The following CFAP45 variants were observed in gnomAD, a reference collection of about 807,000 sequenced individuals.
The protein encoded by CFAP45 is cilia and flagella associated protein 45, also known as cilia- and flagella-associated protein 45.
In CFAP45, 43 loss-of-function variants were observed where a neutral mutation model predicts 75.6. The observed-to-expected ratio is 0.57, with a 90% CI of 0.45 to 0.73. CFAP45 has a LOEUF of 0.73. Ranked by LOEUF, CFAP45 falls within the 30% of genes least tolerant of loss-of-function variation. CFAP45 has a pLI of 0.00. For missense variants in CFAP45, 689 were observed against 701.5 expected, an observed-to-expected ratio of 0.98 and a Z score of 0.20; for synonymous variants, 223 against 244.6, an observed-to-expected ratio of 0.91 and a Z score of 0.82.
chr1:159,899,906 G>A lies in CFAP45; in HGVS notation c.3+190C>T. ...GCGCTCCACATTTCCAATCGTTATC[G>A]ATGCTATCCCTAATTCCTCTTTTGA... is the stretch of plus-strand genomic sequence containing the variant. On this transcript the variant is annotated intron_variant, in intron 1 of 11. Coordinates refer to ENST00000368099, the MANE Select transcript of CFAP45 (RefSeq NM_012337.3). 6.8e-6 allele frequency: 4 copies of A among 586,642 alleles called. No individual in the cohort carries two copies. The South Asian group carries it at 6.9e-5, about 10-fold the overall frequency. The allele number at this position is 586,642 out of a possible 1,614,324, so 36.3% of individuals were successfully genotyped here.
intron 11 of CFAP45, among the ~76,000 whole-genome samples, 162 bp from the exon 12 acceptor site, chr1:159,872,725 C>T (rs1649308977): frequency 6.6e-6 from 1 of 152,218 alleles, no homozygotes; most frequent in Admixed American, 6.5e-5. Flanking sequence ...AAGGCTCCAG[C>T]ATCCTGCCAA....
chr1:159,895,840 G>A (rs1375953325), intron 1 of CFAP45, among the ~76,000 whole-genome samples: 1 of 152,230 alleles, frequency 6.6e-6, no homozygotes, highest in Non-Finnish European at 1.5e-5. Context: ...GGATGGCTTT[G>A]GATCATGAGT....
rs766663881 is a variant in CFAP45 at position 159,886,627 on chromosome 1, G to A, written c.651C>T (p.Ile217=). The part of the protein sequence containing the change: ...RDAQILEKQQ[I]QKELDTEEKR... ...TCTCTTCTGTGTCCAGTTCTTTTTG[G>A]ATCTGCTGCTTCTCCAGGATTTGGG... Residue 217 remains isoleucine (I), a synonymous_variant, in exon 6 of 12, where the codon ATC becomes ATT. Coordinates refer to ENST00000368099, the MANE Select transcript of CFAP45 (RefSeq NM_012337.3). 51 of 1,613,972 alleles carry A rather than the reference G, an allele frequency of 3.2e-5. No individual in the cohort carries two copies. In the Middle Eastern group the frequency reaches 8.2e-4, roughly 26 times the overall value.
At chr1:159,885,939 C>A (rs896018329) in intron 6 of CFAP45, among the ~76,000 whole-genome samples, 2 of 152,154 alleles carry the variant, frequency 1.3e-5, no homozygotes, top group Non-Finnish European at 2.9e-5. Context: ...CAAGGCCTGG[C>A]ATGTTGGGGG....
rs770067983 is a variant in CFAP45 at position 159,898,249 on chromosome 1, A to T, written c.3+1847T>A. On this transcript the variant is annotated intron_variant, in intron 1 of 11. Transcript: ENST00000368099. ...TCCACGCAATTATCCTCTTTCTTCA[A>T]TTGGGACCAAGTTGGCCATCTGTAG... The T allele has an allele frequency of 1.8e-4, 175 of 985,298 alleles. 1 individual carries two copies. Among genetic ancestry groups the T allele is most frequent in the East Asian group, 2.3e-4 (2 of 8,822 alleles). 61.0% of individuals were successfully genotyped at this position (985,298 alleles called of 1,614,324 possible).
rs141306445 is a variant in CFAP45, at chr1:159,886,571, C to G, written c.707G>C (p.Arg236Pro). ...KRLDQMMEVE[R>P]QKSIQRQEEL... ...CTCCTGCCTTTGAATGGATTTCTGCCGCTCCACTTCCATCATCTGATCCAA... is the reference window on the plus strand; with the variant it reads ...CTCCTGCCTTTGAATGGATTTCTGCGGCTCCACTTCCATCATCTGATCCAA... Residue 236 changes from arginine (R) to proline (P), a missense_variant, in exon 6 of 12, where the codon CGG becomes CCG. Arg to Pro is a moderately radical substitution (Grantham distance 103). Transcript: ENST00000368099. 1 of 1,614,144 alleles carries G rather than the reference C, an allele frequency of 6.2e-7. No homozygotes were observed. Among genetic ancestry groups the G allele is most frequent in the African/African-American group, 1.3e-5 (1 of 75,024 alleles).
At chr1:159,899,233 A>G (rs760972822) in intron 1 of CFAP45, among the ~76,000 whole-genome samples, 31 of 151,926 alleles carry the variant, frequency 2.0e-4, no homozygotes, top group Non-Finnish European at 3.7e-4. Context: ...TCCTGTCCCA[A>G]TCTCTCTCCC....
At position 159,900,157 on chromosome 1, in the gene CFAP45, C is replaced by T. The variant is rs1650042985; in HGVS notation, c.-59G>A. 1.2e-6 allele frequency: 2 copies of T among 1,612,126 alleles called. No individual in the cohort carries two copies. The highest frequency in any genetic ancestry group is 2.2e-5 in the South Asian group (2 of 90,976). ...GCTGCCGCCTCGGCGCCGCCAAGGC[C>T]CTAGTGTTGACGCGTTACCTTGGCA... is the stretch of plus-strand genomic sequence containing the variant. On this transcript the variant is annotated 5_prime_UTR_variant, in exon 1 of 12. Transcript: ENST00000368099.
intron 11 of CFAP45, among the ~76,000 whole-genome samples, 161 bp downstream of exon 11, chr1:159,872,783 G>C (rs1321228213): frequency 6.6e-6 from 1 of 152,186 alleles, no homozygotes; most frequent in Non-Finnish European, 1.5e-5. Flanking sequence ...CTTTCTGCTG[G>C]AGCCCCCTTC....
At position 159,887,977 on chromosome 1, in the gene CFAP45, T is replaced by TTTC. The variant is rs1405447828; in HGVS notation, c.451_452insGAA (p.Gln151delinsArgLys). The TTTC allele has an allele frequency of 6.2e-6, 10 of 1,614,112 alleles. No homozygotes were observed. The East Asian group carries it at 1.8e-4, about 29-fold the overall frequency. On this transcript the variant is annotated protein_altering_variant, in exon 5 of 12. Coordinates refer to ENST00000368099, the MANE Select transcript of CFAP45 (RefSeq NM_012337.3). Reference sequence around the variant, plus strand: ...GTTGTTGTTCCACACCATCTCCTTCTGTTTCATGATCTTCTTTCGTGTCAT... The same window carrying TTTC: ...GTTGTTGTTCCACACCATCTCCTTCTTTCGTTTCATGATCTTCTTTCGTGTCAT...
intron 1 of CFAP45, among the ~76,000 whole-genome samples, chr1:159,899,040 C>T (rs1650012252): frequency 6.6e-6 from 1 of 152,200 alleles, no homozygotes; most frequent in African/African-American, 2.4e-5. Context: ...GTGCCCCAGA[C>T]ATTCTAGGTC....
rs539116292 is a variant in CFAP45, at chr1:159,878,753, TAAAAAAAA to T, written c.1045-1299_1045-1292del. On this transcript the variant is annotated intron_variant, in intron 8 of 11. Transcript: ENST00000368099. Reference sequence around the variant, plus strand: ...CCTAGTGACAGAGCAAGACTACATCTAAAAAAAAAAAAAAAAAAAAAAAAAAAAACCTT... The same window carrying T: ...CCTAGTGACAGAGCAAGACTACATCTAAAAAAAAAAAAAAAAAAAAACCTT... Among the ~76,000 whole-genome samples the T allele has an allele frequency of 2.0e-3, 65 of 32,484 alleles. 1 individual carries two copies. In the South Asian group the frequency reaches 0.024, roughly 12 times the overall value. 21.3% of individuals were successfully genotyped at this position (32,484 alleles called of 152,430 possible). A position where few individuals can be genotyped will look rare whatever the true frequency, so the allele number is the denominator to read the frequency against.
At chr1:159,878,753 TAAAAAAAAAAAAAAAAA>T (rs539116292) in intron 8 of CFAP45, among the ~76,000 whole-genome samples, 1 of 32,496 alleles carries the variant, frequency 3.1e-5, no homozygotes, top group Non-Finnish European at 5.8e-5. Context: ...AGACTACATC[TAAAAAAAAAAAAAAAAA>T]AAAAAAAAAA....
At chr1:159,876,927 G>A in intron 9 of CFAP45, 178 bp from the exon 10 acceptor site, 1 of 681,220 alleles carries the variant, frequency 1.5e-6, no homozygotes, top group Non-Finnish European at 2.5e-6. Context: ...TCAAACCTTT[G>A]GGTTAGAAGA....
In CFAP45 at chr1:159,900,119, A is replaced by C. The variant is rs1439738788; in HGVS notation, c.-21T>G. ...ACCATCTCCTCAGCCACACGCCCTGACTCCGGACTTCTGCTGCCGCCTCGG... is the reference window on the plus strand; with the variant it reads ...ACCATCTCCTCAGCCACACGCCCTGCCTCCGGACTTCTGCTGCCGCCTCGG... On this transcript the variant is annotated 5_prime_UTR_variant, in exon 1 of 12. Coordinates refer to ENST00000368099, the MANE Select transcript of CFAP45 (RefSeq NM_012337.3). The C allele has an allele frequency of 2.5e-6, 4 of 1,613,582 alleles. No individual in the cohort carries two copies. The highest frequency in any genetic ancestry group is 3.4e-6 in the Non-Finnish European group (4 of 1,179,922).
chr1:159,890,150 G>T (rs150473810), intron 3 of CFAP45, among the ~76,000 whole-genome samples: 305 of 152,310 alleles, frequency 2.0e-3, no homozygotes, highest in Non-Finnish European at 3.5e-3. Context: ...CTTCCCTTTA[G>T]GGAGGGTACT....
At chr1:159,883,979 G>T (rs1054192019) in intron 7 of CFAP45, among the ~76,000 whole-genome samples, 1 of 152,140 alleles carries the variant, frequency 6.6e-6, no homozygotes. Flanking sequence ...GGAAGAAAAG[G>T]TTTGGCTTCA....
chr1:159,878,622 G>A (rs778212679), intron 8 of CFAP45, among the ~76,000 whole-genome samples: 13 of 151,058 alleles, frequency 8.6e-5, no homozygotes, highest in Admixed American at 2.0e-4. Context: ...GCATGGTGGC[G>A]CATGCCTGTA....
chr1:159,887,812 C>T (rs1649725892), intron 5 of CFAP45, 29 bp downstream of exon 5: 1 of 1,589,482 alleles, frequency 6.3e-7, no homozygotes, highest in Non-Finnish European at 8.6e-7. Context: ...AGTGAATGCT[C>T]AGAGGGAAGG....
Sources: allele counts gnomAD v4.1 joint callset (sites outside exome capture counted in the v4.1 genomes callset), GRCh38; gene constraint gnomAD v4.1.1; transcripts MANE v1.5; gene names NCBI Gene and HGNC (gene_info 2026-07-23, HGNC 2026-07-21).